Variants in ESR2 observed in about 807,000 individuals in gnomAD.
ESR2 encodes estrogen receptor 2.
A neutral mutation model predicts 49.6 loss-of-function variants in ESR2; 36 were observed. The ratio of observed to expected loss-of-function variants is 0.73; its 90% confidence interval spans 0.56 to 0.96. The LOEUF (loss-of-function observed/expected upper bound fraction) is 0.96, where lower values mean the gene tolerates loss of function less well. ESR2 is among the 40% of genes least tolerant of loss of function. The pLI is 0.00. For missense variants in ESR2, 714 were observed against 693.0 expected (o/e 1.03, Z -0.34); for synonymous variants, 320 against 266.1 (o/e 1.20, Z -1.97).
intron 7 of ESR2, among the ~76,000 whole-genome samples, chr14:64,240,201 C>G (rs763977670): frequency 2.0e-5 from 3 of 152,212 alleles, no homozygotes; most frequent in Non-Finnish European, 4.4e-5. Flanking sequence ...TGACATAATC[C>G]TAACTTAAGC....
rs374264697 is a variant in ESR2, at chr14:64,261,232, C to CTTTTTT, written c.653-490_653-485dup. Among the ~76,000 whole-genome samples the CTTTTTT allele has an allele frequency of 4.1e-3, 363 of 88,546 alleles. 65 individuals are homozygous for CTTTTTT. The highest frequency in any genetic ancestry group is 5.0e-3 in the South Asian group (12 of 2,418). The allele number at this position is 88,546 out of a possible 152,430, so 58.1% of individuals were successfully genotyped here. On this transcript the variant is annotated intron_variant, in intron 4 of 8. Transcript: ENST00000341099. ...CAGTCTTTTTAATGCTTTTATTTTT[C>CTTTTTT]TTTTTTCTTTTTTTTTTTTTTTTGA...
At position 64,257,229 on chromosome 14, in the gene ESR2, T is replaced by C. The variant is rs1229941530; in HGVS notation, c.1088A>G (p.Asp363Gly). The change falls in exon 6 of 9, where the codon GAC (aspartate) becomes GGC (glycine). Residue 363 changes from aspartate to glycine, a missense_variant. By Grantham distance (94) the Asp-to-Gly change is moderately conservative. Coordinates refer to ENST00000341099, the MANE Select transcript of ESR2 (RefSeq NM_001437.3). The stretch of plus-strand genomic sequence containing the variant: ...AACACAATGTATTTTTTCTCACCTG[T>C]CCAGAACAAGATCTGGAGCAAAGAT... ...KLIFAPDLVL[D>G]RDEGKCVEGI... The C allele has an allele frequency of 6.2e-7, 1 of 1,614,152 alleles. No homozygotes were observed. Among genetic ancestry groups the C allele is most frequent in the Non-Finnish European group, 8.5e-7 (1 of 1,180,010 alleles).
At chr14:64,324,479 C>A (rs1048880237) in intron 1 of ESR2, among the ~76,000 whole-genome samples, 3 of 152,042 alleles carry the variant, frequency 2.0e-5, no homozygotes, top group Admixed American at 2.0e-4. Flanking sequence ...TTTCATTGCC[C>A]AAAATAACAT....
intron 1 of ESR2, among the ~76,000 whole-genome samples, chr14:64,286,365 A>C (rs1406912949): frequency 6.6e-6 from 1 of 151,622 alleles, no homozygotes; most frequent in Non-Finnish European, 1.5e-5. Flanking sequence ...CAGTGGTACA[A>C]TCTTGGCTCA....
At chr14:64,257,524 C>G in intron 5 of ESR2, 160 bp from the exon 6 acceptor site, 1 of 910,590 alleles carries the variant, frequency 1.1e-6, no homozygotes, top group Non-Finnish European at 1.6e-6. Flanking sequence ...AGGAAGAAAA[C>G]TTTGAAGTTA....
rs143712940 is a variant in ESR2 at position 64,327,899 on chromosome 14, T to C, written c.-91+9999A>G. On this transcript the variant is annotated intron_variant, in intron 1 of 8. Transcript: ENST00000358599. ...AATAAAAATAAATAAAAACAAAATA[T>C]ATGTATAGTCAAAATATATTTCTAA... 3.3e-5 allele frequency among the ~76,000 whole-genome samples: 5 copies of C among 149,920 alleles called. No individual in the cohort carries two copies. The East Asian group carries it at 8.0e-4, about 24-fold the overall frequency.
chr14:64,257,431 C>T, intron 5 of ESR2, 67 bp from the exon 6 acceptor site: 1 of 1,584,232 alleles, frequency 6.3e-7, no homozygotes, highest in Non-Finnish European at 8.6e-7. Flanking sequence ...TGTGTAGAGA[C>T]AGAATGGCAA....
chr14:64,257,337 T>G lies in ESR2; in HGVS notation c.980A>C (p.Gln327Pro). Residue 327 changes from glutamine (Q) to proline (P), a missense_variant, in exon 6 of 9, where the codon CAA (glutamine) becomes CCA (proline). Gln to Pro is a moderately conservative substitution (Grantham distance 76). Transcript: ENST00000341099. ...PGFVELSLFDQVRLLESCWME... is the reference protein window; with the variant it reads ...PGFVELSLFDPVRLLESCWME... The stretch of plus-strand genomic sequence containing the variant: ...CCAACAGCTCTCCAAGAGCCGCACT[T>G]GGTCGAACAGGCTGAGCTCCACAAA... The G allele has an allele frequency of 6.2e-7, 1 of 1,613,324 alleles. No individual in the cohort carries two copies. Among genetic ancestry groups the G allele is most frequent in the Non-Finnish European group, 8.5e-7 (1 of 1,180,012 alleles).
At chr14:64,321,102 A>C (rs1186107399) in intron 1 of ESR2, among the ~76,000 whole-genome samples, 1 of 152,176 alleles carries the variant, frequency 6.6e-6, no homozygotes, top group African/African-American at 2.4e-5. Flanking sequence ...ATACCATTAA[A>C]TAATAAAAAG....
rs2098725232 is a variant in ESR2, at chr14:64,229,428, G to T, written c.*3709C>A. Among the ~76,000 whole-genome samples the T allele has an allele frequency of 6.6e-6, 1 of 152,156 alleles. No individual in the cohort carries two copies. Among genetic ancestry groups the T allele is most frequent in the African/African-American group, 2.4e-5 (1 of 41,430 alleles). On this transcript the variant is annotated 3_prime_UTR_variant, in exon 9 of 9. Coordinates refer to ENST00000341099, the MANE Select transcript of ESR2 (RefSeq NM_001437.3). The stretch of plus-strand genomic sequence containing the variant: ...GCCCCCGTGGGCTTTAATTTACACA[G>T]ATATGAAAGGTGGAGTTGAACTTTG...
chr14:64,311,748 G>A (rs771478890), intron 1 of ESR2, among the ~76,000 whole-genome samples: 1 of 151,662 alleles, frequency 6.6e-6, no homozygotes, highest in Non-Finnish European at 1.5e-5. Context: ...AAGAGTTCAA[G>A]GCTGCAGTGA....
chr14:64,233,525 C>T lies in ESR2; in HGVS notation c.1407-202G>A, dbSNP rs944048. The T allele has an allele frequency of 1.2e-5, 7 of 565,718 alleles. No homozygotes were observed. In the East Asian group the frequency reaches 2.0e-4, roughly 16 times the overall value. 35.0% of individuals were successfully genotyped at this position (565,718 alleles called of 1,614,324 possible). ...GGCAAGGACGATGTCTTGTCAGCCT[C>T]TGTGTCCCACCACACACCTACAATG... On this transcript the variant is annotated intron_variant, in intron 8 of 8. Coordinates refer to ENST00000341099, the MANE Select transcript of ESR2 (RefSeq NM_001437.3).
At chr14:64,325,980 A>ATT (rs397961804) in intron 1 of ESR2, among the ~76,000 whole-genome samples, 2,233 of 144,154 alleles carry the variant, frequency 0.015, 58 homozygotes, top group East Asian at 0.081. Context: ...TTATACACAG[A>ATT]TTTTTTTTTT....
intron 4 of ESR2, among the ~76,000 whole-genome samples, chr14:64,263,269 CAAAT>C (rs773553382): frequency 1.1e-4 from 16 of 152,252 alleles, no homozygotes; most frequent in Middle Eastern, 6.8e-3. Context: ...TGATACCAGA[CAAAT>C]AAACTTTAAG....
rs1179436563 is a variant in ESR2 at position 64,314,877 on chromosome 14, C to CAA, written c.-91+23019_-91+23020dup. Among the ~76,000 whole-genome samples the CAA allele has an allele frequency of 5.6e-3, 111 of 19,980 alleles. 1 individual carries two copies. The highest frequency in any genetic ancestry group is 8.1e-3 in the East Asian group (5 of 614). 13.1% of individuals were successfully genotyped at this position (19,980 alleles called of 152,430 possible). A position where few individuals can be genotyped will look rare whatever the true frequency, so the allele number is the denominator to read the frequency against. On this transcript the variant is annotated intron_variant, in intron 1 of 8. Transcript: ENST00000358599. ...TGGGTAACAGAGCAAGACTCCGTCT[C>CAA]AAAAAAAAAAAAAAAAAAAAAAAAA...
At chr14:64,253,577 T>TGC (rs2076033019) in intron 6 of ESR2, among the ~76,000 whole-genome samples, 1 of 132,142 alleles carries the variant, frequency 7.6e-6, no homozygotes, top group East Asian at 2.0e-4. Context: ...TGTGTGTGTG[T>TGC]GTGTGTGTGT....
chr14:64,280,916 A>G (rs1347641071), intron 2 of ESR2, among the ~76,000 whole-genome samples: 2 of 152,180 alleles, frequency 1.3e-5, no homozygotes, highest in Non-Finnish European at 2.9e-5. Flanking sequence ...AGGATGAAGC[A>G]GGAGATTGCT....
At chr14:64,249,759 A>T in intron 6 of ESR2, 80 bp from the exon 7 acceptor site, 1 of 1,426,674 alleles carries the variant, frequency 7.0e-7, no homozygotes, top group Non-Finnish European at 9.6e-7. Flanking sequence ...TTTTATTTTT[A>T]ATCTCAAGTT....
intron 7 of ESR2, among the ~76,000 whole-genome samples, chr14:64,243,787 G>T (rs575403265): frequency 6.6e-6 from 1 of 152,208 alleles, no homozygotes; most frequent in African/African-American, 2.4e-5. Flanking sequence ...TGTTTCGCCC[G>T]CTCCTTTCTG....
Sources: allele counts gnomAD v4.1 joint callset (sites outside exome capture counted in the v4.1 genomes callset), GRCh38; gene constraint gnomAD v4.1.1; transcripts MANE v1.5; gene names NCBI Gene and HGNC (gene_info 2026-07-23, HGNC 2026-07-21).